Variants in CCDC152 observed in about 807,000 individuals in gnomAD.
CCDC152 encodes coiled-coil domain-containing protein 152.
A neutral mutation model predicts 38.1 loss-of-function variants in CCDC152; 37 were observed. The observed-to-expected ratio is 0.97, with a 90% CI of 0.75 to 1.28. CCDC152 has a LOEUF of 1.28. CCDC152 is among the 50% of genes most tolerant of loss of function. The pLI, the probability that CCDC152 is intolerant of heterozygous loss-of-function variation, is 0.00. For synonymous variants in CCDC152, 83 were observed against 87.1 expected (o/e 0.95, Z 0.26); for missense variants, 259 against 292.1 (o/e 0.89, Z 0.83).
intron 7 of CCDC152, among the ~76,000 whole-genome samples, chr5:42,797,648 C>T (rs1285837009): frequency 6.6e-6 from 1 of 152,114 alleles, no homozygotes; most frequent in Admixed American, 6.5e-5. Context: ...CACATTTATT[C>T]TCATCCCAGC....
chr5:42,776,801 C>A (rs1040485142), intron 4 of CCDC152, among the ~76,000 whole-genome samples: 1 of 152,088 alleles, frequency 6.6e-6, no homozygotes, highest in African/African-American at 2.4e-5. Flanking sequence ...TTAAAGAACA[C>A]TTTTAAATAA....
At position 42,801,335 on chromosome 5, in the gene CCDC152, G is replaced by A; in HGVS notation, c.*1554G>A. ...AAAAGTCTTCATCTTTGAGAGTCTGGAACAAATTTATAAATCACTTTTTAA... is the reference window on the plus strand; with the variant it reads ...AAAAGTCTTCATCTTTGAGAGTCTGAAACAAATTTATAAATCACTTTTTAA... On this transcript the variant is annotated 3_prime_UTR_variant, in exon 9 of 9. Transcript: ENST00000361970. 6.3e-7 allele frequency: 1 copy of A among 1,587,936 alleles called. No individual in the cohort carries two copies. The highest frequency in any genetic ancestry group is 1.1e-5 in the South Asian group (1 of 87,926).
intron 6 of CCDC152, among the ~76,000 whole-genome samples, chr5:42,790,179 A>G (rs1759978746): frequency 6.6e-6 from 1 of 152,202 alleles, no homozygotes; most frequent in South Asian, 2.1e-4. Flanking sequence ...CCAGAGACAT[A>G]CAGATGAAGG....
At chr5:42,776,476 G>A (rs1308525608) in intron 4 of CCDC152, among the ~76,000 whole-genome samples, 3 of 152,132 alleles carry the variant, frequency 2.0e-5, no homozygotes, top group Admixed American at 6.5e-5. Flanking sequence ...AAATAGATGA[G>A]TCCACTATTG....
intron 4 of CCDC152, among the ~76,000 whole-genome samples, chr5:42,774,242 G>A (rs1208006724): frequency 6.6e-6 from 1 of 152,112 alleles, no homozygotes; most frequent in African/African-American, 2.4e-5. Context: ...GCTCATTGTA[G>A]TCAAATCTAA....
At chr5:42,796,488 G>GAGTC (rs1760077473) in intron 6 of CCDC152, among the ~76,000 whole-genome samples, 1 of 152,190 alleles carries the variant, frequency 6.6e-6, no homozygotes, top group Non-Finnish European at 1.5e-5. Context: ...TGTAGCTCTA[G>GAGTC]AGTCATCCAG....
chr5:42,773,900 C>A (rs1236018133), intron 4 of CCDC152, among the ~76,000 whole-genome samples: 1 of 152,144 alleles, frequency 6.6e-6, no homozygotes, highest in Non-Finnish European at 1.5e-5. Context: ...GAAAATGTGT[C>A]CCTTTTAAGT....
At chr5:42,785,964 G>T (rs1441518547) in intron 6 of CCDC152, among the ~76,000 whole-genome samples, 1 of 152,138 alleles carries the variant, frequency 6.6e-6, no homozygotes, top group East Asian at 1.9e-4. Context: ...TTGCATCCCT[G>T]AAATAAGGCC....
Position 42,779,489 on chromosome 5 carries a change from T to A in CCDC152, c.294T>A (p.Asp98Glu), listed in dbSNP as rs1182318258. ...GENEQLKISA[D>E]LIKEKLKSHE... ...ATGAACAACTAAAAATAAGTGCTGA[T>A]CTTATAAAAGAGAAGTTAAAGTCTC... Residue 98 changes from aspartate (D) to glutamate (E), a missense_variant, in exon 5 of 9, where the codon GAT becomes GAA. Physicochemically the swap from Asp to Glu is conservative, Grantham distance 45 (BLOSUM62 2). Coordinates refer to ENST00000361970, the MANE Select transcript of CCDC152 (RefSeq NM_001134848.2). 1 of 1,518,960 alleles carries A rather than the reference T, an allele frequency of 6.6e-7. No individual in the cohort carries two copies. Among genetic ancestry groups the A allele is most frequent in the Non-Finnish European group, 8.9e-7 (1 of 1,117,748 alleles). 94.1% of individuals were successfully genotyped at this position (1,518,960 alleles called of 1,614,324 possible).
intron 3 of CCDC152, among the ~76,000 whole-genome samples, chr5:42,763,416 G>T (rs1759582367): frequency 6.6e-6 from 1 of 152,166 alleles, no homozygotes; most frequent in South Asian, 2.1e-4. Context: ...AGGAGGAAGA[G>T]CATGGCTCCA....
At chr5:42,790,219 C>G (rs112013373) in intron 6 of CCDC152, among the ~76,000 whole-genome samples, 6 of 152,264 alleles carry the variant, frequency 3.9e-5, no homozygotes, top group African/African-American at 1.4e-4. Flanking sequence ...ACCTGTAAAT[C>G]CCAGCACTTT....
chr5:42,801,208 T>C lies in CCDC152; in HGVS notation c.*1427T>C. On this transcript the variant is annotated 3_prime_UTR_variant, in exon 9 of 9. Coordinates refer to ENST00000361970, the MANE Select transcript of CCDC152 (RefSeq NM_001134848.2). ...TGCTGATTCTCTGAAAGCTCACTGC[T>C]GCCAAGGTGCTGATGTCCATGATTG... 1 of 1,614,216 alleles carries C rather than the reference T, an allele frequency of 6.2e-7. No individual in the cohort carries two copies. Among genetic ancestry groups the C allele is most frequent in the Admixed American group, 1.7e-5 (1 of 60,012 alleles).
At chr5:42,775,629 T>C (rs1057425284) in intron 4 of CCDC152, among the ~76,000 whole-genome samples, 3 of 152,046 alleles carry the variant, frequency 2.0e-5, no homozygotes, top group African/African-American at 7.2e-5. Flanking sequence ...AGGAAGAACA[T>C]TAGAGAAGGA....
At chr5:42,799,056 C>T (rs1216260390) in intron 7 of CCDC152, among the ~76,000 whole-genome samples, 3 of 151,974 alleles carry the variant, frequency 2.0e-5, no homozygotes, top group African/African-American at 7.3e-5. Context: ...TATAGAATCA[C>T]GTGATGTTTT....
intron 6 of CCDC152, among the ~76,000 whole-genome samples, chr5:42,788,455 G>C (rs1029276772): frequency 2.0e-5 from 3 of 151,876 alleles, no homozygotes; most frequent in Non-Finnish European, 2.9e-5. Context: ...AGAGACTGAG[G>C]TCCTCTTTTT....
intron 6 of CCDC152, among the ~76,000 whole-genome samples, chr5:42,785,887 A>G (rs1593070): frequency 0.26 from 39,435 of 151,932 alleles, 5,705 homozygotes; most frequent in Admixed American, 0.38. Context: ...ATGATAATAT[A>G]GTTTTTGTTT....
Position 42,794,996 on chromosome 5 carries a change from A to G in CCDC152, c.431-1833A>G, listed in dbSNP as rs187456036. 1.4e-3 allele frequency among the ~76,000 whole-genome samples: 216 copies of G among 152,320 alleles called. 1 individual carries two copies. The highest frequency in any genetic ancestry group is 5.1e-3 in the African/African-American group (211 of 41,580). Reference sequence around the variant, plus strand: ...TCTGTCTAAATGAAGATGAGAAAAAAGAGAGAAATGAACATAAAATGTAAA... The same window carrying G: ...TCTGTCTAAATGAAGATGAGAAAAAGGAGAGAAATGAACATAAAATGTAAA... On this transcript the variant is annotated intron_variant, in intron 6 of 8. Transcript: ENST00000361970.
rs1260667169 is a variant in CCDC152 at position 42,783,482 on chromosome 5, G to A, written c.336G>A (p.Lys112=). 2 of 1,298,430 alleles carry A rather than the reference G, an allele frequency of 1.5e-6. No individual in the cohort carries two copies. Among genetic ancestry groups the A allele is most frequent in the Non-Finnish European group, 2.0e-6 (2 of 1,001,592 alleles). The allele number at this position is 1,298,430 out of a possible 1,614,324, so 80.4% of individuals were successfully genotyped here. Residue 112 remains lysine, a synonymous_variant, in exon 6 of 9, where the codon AAG becomes AAA. Transcript: ENST00000361970. ...TATATTTTAATCTTTAGGAATATAA[G>A]AATAATATTGCCAAACTTGTAAGTG... ...EKLKSHEQEY[K]NNIAKLVSEM...
intron 7 of CCDC152, among the ~76,000 whole-genome samples, chr5:42,797,625 G>A (rs1760092128): frequency 6.6e-6 from 1 of 152,108 alleles, no homozygotes; most frequent in Non-Finnish European, 1.5e-5. Context: ...TGGGAAGAAT[G>A]TTTCTAACGC....
Sources: gnomAD v4.1 joint callset for allele counts (sites outside exome capture counted in the v4.1 genomes callset) on GRCh38, gnomAD v4.1.1 for gene constraint, MANE v1.5 for transcripts, NCBI Gene and HGNC (gene_info 2026-07-23, HGNC 2026-07-21) for gene names.